Variants in CAND1 observed in about 807,000 individuals in gnomAD.
CAND1 encodes the protein cullin-associated NEDD8-dissociated protein 1.
A neutral mutation model predicts 108.5 loss-of-function variants in CAND1; 7 were observed. The ratio of observed to expected loss-of-function variants is 0.06; its 90% CI spans 0.04 to 0.12. The LOEUF (loss-of-function observed/expected upper bound fraction) is 0.12. Among genes scored for constraint, CAND1 ranks in the 10% least tolerant of loss-of-function variants. The pLI is 1.00. For missense variants in CAND1, 941 were observed against 1,448.7 expected (o/e 0.65, Z 5.69); for synonymous variants, 534 against 512.0 (o/e 1.04, Z -0.58).
chr12:67,275,061 G>A (rs1178922139), intron 1 of CAND1, among the ~76,000 whole-genome samples: 2 of 152,110 alleles, frequency 1.3e-5, no homozygotes, highest in African/African-American at 4.8e-5. Context: ...GTTGATGGCA[G>A]TAACTTTCTT....
At position 67,305,790 on chromosome 12, in the gene CAND1, G is replaced by A; in HGVS notation, c.2122G>A (p.Val708Ile). ...PPLISESDMH[V>I]SQMAISFLTT... is the part of the protein sequence containing the mutation. ...TCTTATCAGCGAAAGTGATATGCAT[G>A]TTTCACAAATGGCCATCAGTTTTCT... Residue 708 changes from valine (V) to isoleucine (I), a missense_variant, in exon 10 of 15, where the codon GTT becomes ATT. Val to Ile is a conservative substitution (Grantham distance 29). Coordinates refer to ENST00000545606, the MANE Select transcript of CAND1 (RefSeq NM_018448.5). This position sits in a 1 kb window ranked among gnomAD's most constrained non-coding sequence, Gnocchi z 4.4. 1 of 1,614,176 alleles carries A rather than the reference G, an allele frequency of 6.2e-7. No individual in the cohort carries two copies. The highest frequency in any genetic ancestry group is 1.1e-5 in the South Asian group (1 of 91,084).
intron 2 of CAND1, among the ~76,000 whole-genome samples, chr12:67,290,619 C>T (rs1021447771): frequency 1.3e-5 from 2 of 152,024 alleles, no homozygotes; most frequent in African/African-American, 4.8e-5. Flanking sequence ...TTTAATCATG[C>T]CAGAGTAGTG....
rs1206251172 is a variant in CAND1 at position 67,318,280 on chromosome 12, CAAAAA to C, written c.*5454_*5458del. On this transcript the variant is annotated 3_prime_UTR_variant, in exon 15 of 15. Coordinates refer to ENST00000545606, the MANE Select transcript of CAND1 (RefSeq NM_018448.5). ...TGGGTGACAAAGCGAGACCCTGTCT[CAAAAA>C]AAACAAGGACTCTACAGATAGATAG... 1.3e-5 allele frequency: 2 copies of C among 151,468 alleles called. No individual in the cohort carries two copies. Among genetic ancestry groups the C allele is most frequent in the African/African-American group, 4.9e-5 (2 of 41,188 alleles). 9.4% of individuals were successfully genotyped at this position (151,468 alleles called of 1,614,324 possible).
Position 67,305,277 on chromosome 12 carries a change from T to C in CAND1, c.1609T>C (p.Ser537Pro), listed in dbSNP as rs2044868242. ...TGGAGACCCATTTTACAAAATTACA[T>C]CTGAAGCACTTCTTGTTACTCAACA... is the stretch of plus-strand genomic sequence containing the variant. ...CVGDPFYKIT[S>P]EALLVTQQLV... Residue 537 changes from serine to proline, a missense_variant, in exon 10 of 15, where the codon TCT (serine) becomes CCT (proline). This residue lies in a region of CAND1 where 697 missense variants were observed against 942.0 expected (regional missense o/e 0.74). Coordinates refer to ENST00000545606, the MANE Select transcript of CAND1 (RefSeq NM_018448.5). This position sits in a 1 kb window ranked among gnomAD's most constrained non-coding sequence, Gnocchi z 4.4. 1 of 1,614,064 alleles carries C rather than the reference T, an allele frequency of 6.2e-7. No individual in the cohort carries two copies. Among genetic ancestry groups the C allele is most frequent in the African/African-American group, 1.3e-5 (1 of 74,910 alleles).
chr12:67,305,913 G>T lies in CAND1; in HGVS notation c.2245G>T (p.Gly749Trp). 6.2e-7 allele frequency: 1 copy of T among 1,614,146 alleles called. No homozygotes were observed. Among genetic ancestry groups the T allele is most frequent in the Non-Finnish European group, 8.5e-7 (1 of 1,179,998 alleles). The change falls in exon 10 of 15, where the codon GGG becomes TGG. Residue 749 changes from glycine (G) to tryptophan (W), a missense_variant. Physicochemically the swap from Gly to Trp is radical, Grantham distance 184. This residue lies in a region of CAND1 where 697 missense variants were observed against 942.0 expected (regional missense o/e 0.74). Coordinates refer to ENST00000545606, the MANE Select transcript of CAND1 (RefSeq NM_018448.5). The surrounding 1 kb of genome is among the most constrained non-coding windows in gnomAD (Gnocchi z 4.4). ...ACTTGTGAGATCACCCTTATTGCAG[G>T]GGGGAGCTCTTAGTGCCATGCTAGA... ...IGLVRSPLLQGGALSAMLDFF... is the reference protein window; with the variant it reads ...IGLVRSPLLQWGALSAMLDFF...
In CAND1 at chr12:67,307,383, T is replaced by G. The variant is rs746239578; in HGVS notation, c.2930-14T>G. ...GACTACATACCAATAGACTTGCAAT[T>G]TATTTTTAACTAGGCTCATCATATG... On this transcript the variant is annotated splice_polypyrimidine_tract_variant and intron_variant, in intron 10 of 14. Transcript: ENST00000545606. The G allele has an allele frequency of 4.4e-6, 7 of 1,600,348 alleles. No homozygotes were observed. The African/African-American group carries it at 8.0e-5, about 18-fold the overall frequency.
chr12:67,304,454 C>A, intron 8 of CAND1, 151 bp from the exon 9 acceptor site: 1 of 701,864 alleles, frequency 1.4e-6, no homozygotes, highest in South Asian at 2.2e-5. Context: ...CAAACTTGAT[C>A]TTGTGTTAGC....
intron 2 of CAND1, among the ~76,000 whole-genome samples, chr12:67,287,887 G>C (rs1237426413): frequency 1.0e-5 from 1 of 97,014 alleles, no homozygotes; most frequent in African/African-American, 3.5e-5. Context: ...TTAGTCCATT[G>C]GTTATTTAGA....
rs562008785 is a variant in CAND1 at position 67,298,844 on chromosome 12, G to T, written c.855-106G>T. The T allele has an allele frequency of 1.2e-3, 840 of 674,950 alleles. 10 individuals are homozygous for T. In the South Asian group the frequency reaches 0.013, roughly 10 times the overall value. The allele number at this position is 674,950 out of a possible 1,614,324, so 41.8% of individuals were successfully genotyped here. A position where few individuals can be genotyped will look rare whatever the true frequency, so the allele number is the denominator to read the frequency against. ...AGAATCATTGGTGCTAGATAGTCTGGGAACTACTGTCCTATGTTATTGCTG... is the reference window on the plus strand; with the variant it reads ...AGAATCATTGGTGCTAGATAGTCTGTGAACTACTGTCCTATGTTATTGCTG... On this transcript the variant is annotated intron_variant, in intron 6 of 14. Coordinates refer to ENST00000545606, the MANE Select transcript of CAND1 (RefSeq NM_018448.5).
Position 67,313,701 on chromosome 12 carries a change from T to C in CAND1, c.*871T>C, listed in dbSNP as rs922707854. On this transcript the variant is annotated 3_prime_UTR_variant, in exon 15 of 15. Coordinates refer to ENST00000545606, the MANE Select transcript of CAND1 (RefSeq NM_018448.5). ...ACTTAAATTTTGAATATTTAGTTTTTCTCAGTTACCCATTTGTGTGTGTGT... is the reference window on the plus strand; with the variant it reads ...ACTTAAATTTTGAATATTTAGTTTTCCTCAGTTACCCATTTGTGTGTGTGT... 1 of 152,600 alleles carries C rather than the reference T, an allele frequency of 6.6e-6. No homozygotes were observed. The highest frequency in any genetic ancestry group is 2.4e-5 in the African/African-American group (1 of 41,446). 9.5% of individuals were successfully genotyped at this position (152,600 alleles called of 1,614,324 possible).
At chr12:67,302,688 A>G (rs944970905) in intron 8 of CAND1, 73 bp downstream of exon 8, 1 of 1,334,004 alleles carries the variant, frequency 7.5e-7, no homozygotes, top group African/African-American at 1.5e-5. Flanking sequence ...TTATATGGAA[A>G]GGTGAGTTCC....
chr12:67,284,371 AT>A (rs11314762), intron 2 of CAND1, among the ~76,000 whole-genome samples: 14,805 of 152,198 alleles, frequency 0.097, 1,397 homozygotes, highest in African/African-American at 0.25. Context: ...TGTGACTAAG[AT>A]TTTAAGGGGG....
intron 9 of CAND1, 110 bp downstream of exon 9, chr12:67,304,856 T>C (rs548113313): frequency 2.5e-4 from 318 of 1,278,888 alleles, no homozygotes; most frequent in Admixed American, 5.0e-4. Context: ...GACAACTTAA[T>C]ATGCACATAG....
chr12:67,310,538 G>A, intron 13 of CAND1: 2 of 370,862 alleles, frequency 5.4e-6, no homozygotes, highest in Non-Finnish European at 9.8e-6. Flanking sequence ...GGAAGTGGCA[G>A]TGGATGCAAA....
In CAND1 at chr12:67,311,676, T is replaced by G; in HGVS notation, c.3361-17T>G. The stretch of plus-strand genomic sequence containing the variant: ...AATGATGTCAAATCTAAATTCTGTC[T>G]TTTTTATTCCTAATAGATGCTGACA... On this transcript the variant is annotated splice_polypyrimidine_tract_variant and intron_variant, in intron 13 of 14. Transcript: ENST00000545606. 1 of 1,474,228 alleles carries G rather than the reference T, an allele frequency of 6.8e-7. No homozygotes were observed. The highest frequency in any genetic ancestry group is 9.4e-7 in the Non-Finnish European group (1 of 1,058,222). The allele number at this position is 1,474,228 out of a possible 1,614,324, so 91.3% of individuals were successfully genotyped here. A position where few individuals can be genotyped will look rare whatever the true frequency, so the allele number is the denominator to read the frequency against.
chr12:67,295,481 G>A (rs1347802172), intron 4 of CAND1, among the ~76,000 whole-genome samples: 4 of 152,156 alleles, frequency 2.6e-5, no homozygotes, highest in Admixed American at 6.5e-5. Context: ...ATAAGGAGAT[G>A]TGCTGGTAGT....
chr12:67,317,803 T>C lies in CAND1; in HGVS notation c.*4973T>C, dbSNP rs1371942704. On this transcript the variant is annotated 3_prime_UTR_variant, in exon 15 of 15. Transcript: ENST00000545606. ...CAGCCAGTTTCTTAATCTATACATC[T>C]AGCCCAGTCCATGCCCCTGTTTCAG... The C allele has an allele frequency of 7.2e-5, 11 of 152,466 alleles. No individual in the cohort carries two copies. Among genetic ancestry groups the C allele is most frequent in the Admixed American group, 7.2e-4 (11 of 15,288 alleles). The allele number at this position is 152,466 out of a possible 1,614,324, so 9.4% of individuals were successfully genotyped here.
rs1044594657 is a variant in CAND1 at position 67,315,826 on chromosome 12, T to C, written c.*2996T>C. The C allele has an allele frequency of 5.9e-5, 9 of 152,196 alleles. No homozygotes were observed. Among genetic ancestry groups the C allele is most frequent in the African/African-American group, 1.7e-4 (7 of 41,448 alleles). 9.4% of individuals were successfully genotyped at this position (152,196 alleles called of 1,614,324 possible). A position where few individuals can be genotyped will look rare whatever the true frequency, so the allele number is the denominator to read the frequency against. ...TCTCAGATGTATGAATATGATTATA[T>C]AGTCATGATTGAAGTTCAAAATGAG... On this transcript the variant is annotated 3_prime_UTR_variant, in exon 15 of 15. Transcript: ENST00000545606.
rs2044996607 is a variant in CAND1, at chr12:67,315,269, A to G, written c.*2439A>G. 6.6e-6 allele frequency: 1 copy of G among 152,336 alleles called. No individual in the cohort carries two copies. Among genetic ancestry groups the G allele is most frequent in the African/African-American group, 2.4e-5 (1 of 41,440 alleles). The allele number at this position is 152,336 out of a possible 1,614,324, so 9.4% of individuals were successfully genotyped here. A position where few individuals can be genotyped will look rare whatever the true frequency, so the allele number is the denominator to read the frequency against. On this transcript the variant is annotated 3_prime_UTR_variant, in exon 15 of 15. Coordinates refer to ENST00000545606, the MANE Select transcript of CAND1 (RefSeq NM_018448.5). ...GGAGATCGAGACTATCCTGGCTAAC[A>G]CTGTGAAAACCCATCTCTACTGAAA... is the stretch of plus-strand genomic sequence containing the variant.
Sources: allele counts gnomAD v4.1 joint callset (sites outside exome capture counted in the v4.1 genomes callset), GRCh38; gene constraint gnomAD v4.1.1; regional missense constraint gnomAD v4.1.1; non-coding constraint Gnocchi (gnomAD v3.1); transcripts MANE v1.5; gene names NCBI Gene and HGNC (gene_info 2026-07-23, HGNC 2026-07-21).